PCDHGB5: variants seen among roughly 807,000 people sequenced by gnomAD.
PCDHGB5 encodes protocadherin gamma-B5.
In PCDHGB5, 48 loss-of-function variants were observed where a neutral mutation model predicts 62.9. The ratio of observed to expected loss-of-function variants is 0.76; its 90% CI spans 0.61 to 0.97. PCDHGB5 has a LOEUF of 0.97. Ranked by LOEUF, PCDHGB5 falls within the 50% of genes least tolerant of loss-of-function variation. The pLI is 0.00. For missense variants in PCDHGB5, 1,118 were observed against 1,198.6 expected (o/e 0.93, Z 0.99); for synonymous variants, 474 against 511.2 (o/e 0.93, Z 0.98).
At chr5:141,421,351 A>G in intron 1 of PCDHGB5, 2 of 1,613,988 alleles carry the variant, frequency 1.2e-6, no homozygotes, top group Non-Finnish European at 1.7e-6. Flanking sequence ...AGAGACCGAA[A>G]AGGGCTCCTT....
intron 1 of PCDHGB5, among the ~76,000 whole-genome samples, chr5:141,407,497 G>GTTTTTTTTTTTTTT (rs1554102286): frequency 6.6e-6 from 1 of 152,090 alleles, no homozygotes; most frequent in African/African-American, 2.4e-5. Context: ...CTTTATTTCT[G>GTTTTTTTTTTTTTT]TTTTTCTTAG....
chr5:141,415,055 C>A (rs767474996), intron 1 of PCDHGB5: 1 of 1,613,402 alleles, frequency 6.2e-7, no homozygotes, highest in Non-Finnish European at 8.5e-7. Context: ...GGGGAGCACA[C>A]GGGCGAGGTG....
At chr5:141,497,201 G>A (rs1190666375) in intron 2 of PCDHGB5, among the ~76,000 whole-genome samples, 1 of 93,734 alleles carries the variant, frequency 1.1e-5, no homozygotes, top group African/African-American at 8.6e-5. Flanking sequence ...AGAACAATGT[G>A]AGTGTAATGG....
chr5:141,401,819 G>A (rs2094196222), intron 1 of PCDHGB5, among the ~76,000 whole-genome samples: 3 of 152,280 alleles, frequency 2.0e-5, no homozygotes, highest in Middle Eastern at 3.4e-3. Flanking sequence ...TCCTTACAAA[G>A]TGCTGAGATT....
chr5:141,447,312 G>C (rs2098534178), intron 1 of PCDHGB5, among the ~76,000 whole-genome samples: 2 of 151,918 alleles, frequency 1.3e-5, no homozygotes, highest in African/African-American at 2.4e-5. Flanking sequence ...GCTAATTTTT[G>C]TATTTTTAGT....
chr5:141,432,506 G>A lies in PCDHGB5; in HGVS notation c.2397+31982G>A. 3 of 1,614,140 alleles carry A rather than the reference G, an allele frequency of 1.9e-6. No homozygotes were observed. Among genetic ancestry groups the A allele is most frequent in the Non-Finnish European group, 2.5e-6 (3 of 1,180,036 alleles). On this transcript the variant is annotated intron_variant, in intron 1 of 3. Transcript: ENST00000617380. This position sits in a 1 kb window ranked among gnomAD's most constrained non-coding sequence, Gnocchi z 6.0. ...CGTGGAGCTGGCTCCCCGCTCCGCA[G>A]AGCCCGGCTACCTGGTGACCAAGGT... is the stretch of plus-strand genomic sequence containing the variant.
chr5:141,428,349 G>A (rs555622676), intron 1 of PCDHGB5: 93 of 583,074 alleles, frequency 1.6e-4, no homozygotes, highest in African/African-American at 1.5e-3. Flanking sequence ...TCCTCGCAGT[G>A]ATTTTGGCGG....
At chr5:141,478,812 A>G (rs952753762) in intron 1 of PCDHGB5, 16 of 1,453,436 alleles carry the variant, frequency 1.1e-5, no homozygotes, top group Non-Finnish European at 1.4e-5. Flanking sequence ...TTGCTATCAC[A>G]ACTAACCAAT....
In PCDHGB5 at chr5:141,415,024, G is replaced by A. The variant is rs1272655664; in HGVS notation, c.2397+14500G>A. On this transcript the variant is annotated intron_variant, in intron 1 of 3. Coordinates refer to ENST00000617380, the MANE Select transcript of PCDHGB5 (RefSeq NM_018925.3). ...GTCCTACCGTCTGCTCAAGGCCAGC[G>A]AGCCGGGACTCTTCGCGGTGGGGGA... 4.3e-6 allele frequency: 7 copies of A among 1,613,450 alleles called. 1 individual carries two copies. The highest frequency in any genetic ancestry group is 3.3e-5 in the Admixed American group (2 of 60,002).
chr5:141,433,812 G>A (rs535623556), intron 1 of PCDHGB5, among the ~76,000 whole-genome samples: 46 of 150,530 alleles, frequency 3.1e-4, no homozygotes, highest in African/African-American at 1.1e-3. Context: ...ACTCCAGCCT[G>A]GGCAACAAGA....
At position 141,398,337 on chromosome 5, in the gene PCDHGB5, G is replaced by T; in HGVS notation, c.210G>T (p.Ser70=). 3 of 1,369,482 alleles carry T rather than the reference G, an allele frequency of 2.2e-6. No homozygotes were observed. The highest frequency in any genetic ancestry group is 3.0e-6 in the Non-Finnish European group (3 of 987,728). The allele number at this position is 1,369,482 out of a possible 1,614,324, so 84.8% of individuals were successfully genotyped here. A position where few individuals can be genotyped will look rare whatever the true frequency, so the allele number is the denominator to read the frequency against. The stretch of plus-strand genomic sequence containing the variant: ...CGACTCGAAAACTGCGCGTCAGTTC[G>T]GAGAAGCCTTACTTCACCGTGAGCG... The part of the protein sequence containing the change: ...ELPTRKLRVS[S]EKPYFTVSAE... The change falls in exon 1 of 4, where the codon TCG becomes TCT. Residue 70 remains serine (S), a synonymous_variant. Transcript: ENST00000617380.
chr5:141,432,725 G>A lies in PCDHGB5; in HGVS notation c.2397+32201G>A, dbSNP rs755759587. The A allele has an allele frequency of 7.4e-6, 12 of 1,613,896 alleles. No individual in the cohort carries two copies. Among genetic ancestry groups the A allele is most frequent in the African/African-American group, 1.3e-5 (1 of 74,932 alleles). On this transcript the variant is annotated intron_variant, in intron 1 of 3. Transcript: ENST00000617380. This position sits in a 1 kb window ranked among gnomAD's most constrained non-coding sequence, Gnocchi z 6.0. ...GGACCACGGCCAGCCCCCTCTCTCC[G>A]CCACTGTCACGCTCACCGTGGCCGT...
intron 1 of PCDHGB5, chr5:141,408,708 A>G (rs773303576): frequency 6.2e-6 from 10 of 1,612,888 alleles, no homozygotes; most frequent in Non-Finnish European, 8.5e-6. Flanking sequence ...TCAATTAAAG[A>G]TTATAAGATA....
intron 1 of PCDHGB5, chr5:141,414,158 G>C: frequency 6.2e-7 from 1 of 1,602,572 alleles, no homozygotes; most frequent in Non-Finnish European, 8.5e-7. Context: ...GCAGAAGATG[G>C]AGGAGCATAT....
intron 1 of PCDHGB5, among the ~76,000 whole-genome samples, chr5:141,492,435 C>T (rs191116850): frequency 8.5e-5 from 13 of 152,348 alleles, no homozygotes; most frequent in Admixed American, 8.5e-4. Context: ...CTCAGGAGTA[C>T]TCGTAGCTGA....
At chr5:141,401,677 G>C (rs1017959276) in intron 1 of PCDHGB5, among the ~76,000 whole-genome samples, 2 of 152,184 alleles carry the variant, frequency 1.3e-5, no homozygotes, top group Non-Finnish European at 2.9e-5. Flanking sequence ...CATCCTTGTA[G>C]GATGGAAGGT....
intron 1 of PCDHGB5, among the ~76,000 whole-genome samples, chr5:141,447,677 A>G (rs748479750): frequency 6.6e-6 from 1 of 152,184 alleles, no homozygotes; most frequent in Non-Finnish European, 1.5e-5. Context: ...GAACTGTTCC[A>G]TATCTTGATA....
chr5:141,399,603 A>G lies in PCDHGB5; in HGVS notation c.1476A>G (p.Leu492=). The change falls in exon 1 of 4, where the codon CTA becomes CTG. Residue 492 remains leucine, a synonymous_variant. Transcript: ENST00000617380. ...CCTACTCTATCATGGCCAGCGACCT[A>G]GAGCCTCTGGCACTGGCCTCTTACG... The part of the protein sequence containing the change: ...QVSYSIMASD[L]EPLALASYVS... The G allele has an allele frequency of 6.2e-7, 1 of 1,613,950 alleles. No individual in the cohort carries two copies. Among genetic ancestry groups the G allele is most frequent in the Non-Finnish European group, 8.5e-7 (1 of 1,179,884 alleles).
rs1271891195 is a variant in PCDHGB5, at chr5:141,477,108, C to A, written c.2398-17699C>A. The A allele has an allele frequency of 2.5e-6, 4 of 1,614,232 alleles. No individual in the cohort carries two copies. Among genetic ancestry groups the A allele is most frequent in the Non-Finnish European group, 2.5e-6 (3 of 1,180,046 alleles). ...CAGGCCAAAGACAAGGGCGCCAATCCCGAAGGAGCACATTGCAAAGTGTTG... is the reference window on the plus strand; with the variant it reads ...CAGGCCAAAGACAAGGGCGCCAATCACGAAGGAGCACATTGCAAAGTGTTG... On this transcript the variant is annotated intron_variant, in intron 1 of 3. Coordinates refer to ENST00000617380, the MANE Select transcript of PCDHGB5 (RefSeq NM_018925.3). The surrounding 1 kb of genome is among the most constrained non-coding windows in gnomAD (Gnocchi z 4.9).
Sources: gnomAD v4.1 joint callset for allele counts (sites outside exome capture counted in the v4.1 genomes callset) on GRCh38, gnomAD v4.1.1 for gene constraint, Gnocchi (gnomAD v3.1) non-coding constraint, MANE v1.5 for transcripts, NCBI Gene and HGNC (gene_info 2026-07-23, HGNC 2026-07-21) for gene names.